Variants in ELP2 observed in about 807,000 individuals in gnomAD.
The protein encoded by ELP2 is elongator acetyltransferase complex subunit 2.
ELP2 carries 90 observed loss-of-function variants against 119.2 expected under a neutral mutation model. That is an observed-to-expected ratio of 0.75 (90% CI 0.64 to 0.90). The LOEUF (loss-of-function observed/expected upper bound fraction) is 0.90. ELP2 is among the 40% of genes least tolerant of loss of function. ELP2 has a pLI of 0.00. For synonymous variants in ELP2, 339 were observed against 331.0 expected (o/e 1.02, Z -0.26); for missense variants, 921 against 967.8 (o/e 0.95, Z 0.64).
At chr18:36,130,172 G>A in intron 1 of ELP2, 101 bp downstream of exon 1, 1 of 1,515,206 alleles carries the variant, frequency 6.6e-7, no homozygotes, top group Non-Finnish European at 9.1e-7. Flanking sequence ...CCTAGGAGGC[G>A]AGTCGGGTCG....
intron 5 of ELP2, 38 bp downstream of exon 5, chr18:36,138,910 T>C: frequency 7.0e-7 from 1 of 1,434,680 alleles, no homozygotes; most frequent in Non-Finnish European, 9.8e-7. Flanking sequence ...AAGGGCAGTA[T>C]ATTTGCATAC....
At chr18:36,136,204 AGGTAGAG>A in intron 2 of ELP2, 96 bp from the exon 3 acceptor site, 1 of 812,036 alleles carries the variant, frequency 1.2e-6, no homozygotes, top group Non-Finnish European at 2.1e-6. Context: ...TTGTGAATCT[AGGTAGAG>A]GGTACAGGGG....
chr18:36,135,619 A>G (rs2089796508), intron 2 of ELP2, among the ~76,000 whole-genome samples: 1 of 152,172 alleles, frequency 6.6e-6, no homozygotes, highest in African/African-American at 2.4e-5. Flanking sequence ...GAGAAGTTGC[A>G]AGTATTTAAA....
chr18:36,166,802 A>G, intron 18 of ELP2: 1 of 212,086 alleles, frequency 4.7e-6, no homozygotes, highest in Non-Finnish European at 9.2e-6. Context: ...GTAAGGCTAA[A>G]TAGCTTCAGG....
chr18:36,131,297 T>C (rs1180451408), intron 1 of ELP2, among the ~76,000 whole-genome samples: 6 of 152,372 alleles, frequency 3.9e-5, no homozygotes, highest in Admixed American at 2.0e-4. Context: ...ATTTGCATTC[T>C]TGAATGGCAA....
chr18:36,156,728 C>T (rs1462125369), intron 13 of ELP2, 74 bp downstream of exon 13: 1 of 1,369,554 alleles, frequency 7.3e-7, no homozygotes, highest in African/African-American at 1.4e-5. Flanking sequence ...TTGCCTTAGG[C>T]TTTAAATGGA....
chr18:36,142,287 A>G lies in ELP2; in HGVS notation c.595A>G (p.Lys199Glu), dbSNP rs1325544404. Reference protein sequence around the residue: ...IFAQQNDQFQKVLSLCGHEDW... With the variant: ...IFAQQNDQFQEVLSLCGHEDW... ...ATGATTTTTATCTTACTAGTTTCAG[A>G]AAGTGCTTTCTCTCTGTGGACATGA... The change falls in exon 7 of 22, where the codon AAA (lysine) becomes GAA (glutamate). Residue 199 changes from lysine (K) to glutamate (E), a missense_variant. Physicochemically the swap from Lys to Glu is moderately conservative, Grantham distance 56. Coordinates refer to ENST00000358232, the MANE Select transcript of ELP2 (RefSeq NM_018255.4). The G allele has an allele frequency of 6.2e-7, 1 of 1,613,778 alleles. No homozygotes were observed. The highest frequency in any genetic ancestry group is 2.2e-5 in the East Asian group (1 of 44,816).
intron 2 of ELP2, among the ~76,000 whole-genome samples, chr18:36,134,193 G>T (rs758107559): frequency 1.3e-5 from 2 of 152,102 alleles, no homozygotes; most frequent in Non-Finnish European, 2.9e-5. Context: ...TTAATAACAT[G>T]TGAGAAGTAA....
intron 1 of ELP2, among the ~76,000 whole-genome samples, chr18:36,131,066 C>T (rs2089602006): frequency 6.6e-6 from 1 of 151,738 alleles, no homozygotes; most frequent in Admixed American, 6.6e-5. Context: ...CCCAGCTACT[C>T]GGGAGGTAGA....
At position 36,179,299 on chromosome 18, in the gene ELP2, TAAAAATACAAAAAA is replaced by T. The variant is rs1166734232; in HGVS notation, c.*4664_*4677del. On this transcript the variant is annotated 3_prime_UTR_variant, in exon 22 of 22. Coordinates refer to ENST00000358232, the MANE Select transcript of ELP2 (RefSeq NM_018255.4). ...CAACATGGTGAAACCCCATCTCTACTAAAAATACAAAAAAAAAAAAAAAATTAGTCGGGCATGGT... is the reference window on the plus strand; with the variant it reads ...CAACATGGTGAAACCCCATCTCTACTAAAAAAAAAATTAGTCGGGCATGGT... The T allele has an allele frequency of 1.5e-5, 1 of 68,924 alleles. No individual in the cohort carries two copies. The highest frequency in any genetic ancestry group is 3.2e-5 in the Non-Finnish European group (1 of 31,444). 4.3% of individuals were successfully genotyped at this position (68,924 alleles called of 1,614,324 possible).
chr18:36,146,494 A>G, intron 11 of ELP2, 113 bp downstream of exon 11: 1 of 1,189,498 alleles, frequency 8.4e-7, no homozygotes, highest in Non-Finnish European at 1.2e-6. Context: ...CTTGAAGTTC[A>G]AGTGACATAA....
intron 9 of ELP2, chr18:36,145,364 C>G: frequency 2.9e-6 from 1 of 340,242 alleles, no homozygotes; most frequent in Non-Finnish European, 5.6e-6. Flanking sequence ...ATCCTTTACC[C>G]TCAGTAATAA....
chr18:36,133,737 T>TTTA (rs1491427859), intron 2 of ELP2, among the ~76,000 whole-genome samples: 11 of 7,104 alleles, frequency 1.5e-3, no homozygotes, highest in South Asian at 5.4e-3. Context: ...TATTTATTTA[T>TTTA]TTTTTTTTTG....
At chr18:36,134,456 C>T (rs2089755113) in intron 2 of ELP2, among the ~76,000 whole-genome samples, 1 of 152,150 alleles carries the variant, frequency 6.6e-6, no homozygotes, top group Non-Finnish European at 1.5e-5. Flanking sequence ...TCCTCTCTTT[C>T]ATTAAGTTTT....
rs760565527 is a variant in ELP2 at position 36,178,235 on chromosome 18, C to T, written c.*3594C>T. 1 of 152,240 alleles carries T rather than the reference C, an allele frequency of 6.6e-6. No homozygotes were observed. The highest frequency in any genetic ancestry group is 1.5e-5 in the Non-Finnish European group (1 of 68,090). The allele number at this position is 152,240 out of a possible 1,614,324, so 9.4% of individuals were successfully genotyped here. ...GGAGGGCCAGGGTAGAGGTTTGGGC[C>T]TTGGCTCTGATGCTTGAACATAAAC... is the stretch of plus-strand genomic sequence containing the variant. On this transcript the variant is annotated 3_prime_UTR_variant, in exon 22 of 22. Coordinates refer to ENST00000358232, the MANE Select transcript of ELP2 (RefSeq NM_018255.4).
chr18:36,150,599 C>T (rs2090365035), intron 11 of ELP2, among the ~76,000 whole-genome samples: 2 of 152,182 alleles, frequency 1.3e-5, no homozygotes, highest in Non-Finnish European at 2.9e-5. Context: ...TAGCCATAAG[C>T]TCGAGGAGCT....
intron 18 of ELP2, 78 bp from the exon 19 acceptor site, chr18:36,167,023 G>T: frequency 7.0e-7 from 1 of 1,423,748 alleles, no homozygotes; most frequent in South Asian, 1.4e-5. Flanking sequence ...GGTGTATATG[G>T]CACTTAAACA....
chr18:36,139,377 A>G (rs1418019020), intron 5 of ELP2: 2 of 1,514,878 alleles, frequency 1.3e-6, no homozygotes, highest in Non-Finnish European at 1.8e-6. Context: ...TTCTACAAAG[A>G]TAATAGCCAG....
intron 5 of ELP2, chr18:36,139,634 A>T: frequency 6.7e-7 from 1 of 1,499,586 alleles, no homozygotes; most frequent in Non-Finnish European, 8.9e-7. Flanking sequence ...TTTTGTTTTT[A>T]TTGTTTTTAT....
Sources: allele counts gnomAD v4.1 joint callset (sites outside exome capture counted in the v4.1 genomes callset), GRCh38; gene constraint gnomAD v4.1.1; transcripts MANE v1.5; gene names NCBI Gene and HGNC (gene_info 2026-07-23, HGNC 2026-07-21).